XRCC4: variants seen among roughly 807,000 people sequenced by gnomAD.
XRCC4 encodes X-ray repair cross complementing 4.
Under a neutral mutation model 39.1 loss-of-function variants are expected in XRCC4, and 28 were observed. The observed-to-expected ratio is 0.72, with a 90% CI of 0.53 to 0.98. The LOEUF (loss-of-function observed/expected upper bound fraction) is 0.98, where lower values mean the gene tolerates loss of function less well. Among genes scored for constraint, XRCC4 ranks in the 50% least tolerant of loss-of-function variants. The probability of loss-of-function intolerance (pLI) is 0.00; values close to 1 mark genes in which losing one functional copy is unlikely to be tolerated. For synonymous variants in XRCC4, 123 were observed against 126.4 expected (o/e 0.97, Z 0.18); for missense variants, 350 against 376.4 (o/e 0.93, Z 0.58).
chr5:83,252,299 A>C (rs1359735317), intron 6 of XRCC4, among the ~76,000 whole-genome samples: 1 of 152,198 alleles, frequency 6.6e-6, no homozygotes, highest in East Asian at 1.9e-4. Context: ...AAATGAAACA[A>C]GGACTTATTT....
intron 3 of XRCC4, among the ~76,000 whole-genome samples, chr5:83,178,461 A>G (rs1011984741): frequency 6.6e-6 from 1 of 152,160 alleles, no homozygotes; most frequent in Non-Finnish European, 1.5e-5. Context: ...CCAAAACACT[A>G]CTACAAAAAG....
At chr5:83,353,064 A>T in intron 7 of XRCC4, 67 bp from the exon 8 acceptor site, 1 of 1,295,560 alleles carries the variant, frequency 7.7e-7, no homozygotes. Flanking sequence ...GTGTCTCTTC[A>T]TTTTCTTTTA....
At chr5:83,318,243 A>G (rs1474261254) in intron 7 of XRCC4, among the ~76,000 whole-genome samples, 1 of 130,986 alleles carries the variant, frequency 7.6e-6, no homozygotes, top group Non-Finnish European at 1.5e-5. Context: ...CCCACAGCCA[A>G]TATCATACTG....
chr5:83,356,744 G>C (rs766749785), downstream of XRCC4: 29 of 453,264 alleles, frequency 6.4e-5, no homozygotes, highest in Middle Eastern at 9.8e-4. Flanking sequence ...AAACATTGTT[G>C]CAGAATGCTG....
At chr5:83,297,434 T>C (rs1402427466) in intron 7 of XRCC4, among the ~76,000 whole-genome samples, 1 of 151,960 alleles carries the variant, frequency 6.6e-6, no homozygotes, top group African/African-American at 2.4e-5. Flanking sequence ...ATTTGCCACA[T>C]GTGCATTTAC....
chr5:83,215,692 C>T (rs1201868466), intron 6 of XRCC4, among the ~76,000 whole-genome samples: 2 of 152,162 alleles, frequency 1.3e-5, no homozygotes, highest in Non-Finnish European at 2.9e-5. Flanking sequence ...TCAATTGGTC[C>T]TCAGCACAGC....
rs1247248562 is a variant in XRCC4, at chr5:83,139,313, A to G, written c.315+28110A>G. Among the ~76,000 whole-genome samples, 5 of 152,152 alleles carry G rather than the reference A, an allele frequency of 3.3e-5. No homozygotes were observed. In the East Asian group the frequency reaches 7.7e-4, roughly 23 times the overall value. ...TTTATACATTTTTGACAAGAATACC[A>G]TAGAAATGATGTTGTACCTTTCTCA... On this transcript the variant is annotated intron_variant, in intron 3 of 7. Coordinates refer to ENST00000396027, the MANE Select transcript of XRCC4 (RefSeq NM_003401.5).
intron 3 of XRCC4, among the ~76,000 whole-genome samples, chr5:83,134,116 G>A (rs898989719): frequency 6.6e-6 from 1 of 152,296 alleles, no homozygotes; most frequent in South Asian, 2.1e-4. Flanking sequence ...CCTATTCGTG[G>A]AATCATTGAC....
chr5:83,099,217 A>G (rs1200422769), intron 1 of XRCC4, among the ~76,000 whole-genome samples: 1 of 152,202 alleles, frequency 6.6e-6, no homozygotes, highest in African/African-American at 2.4e-5. Flanking sequence ...CATTAGAAAC[A>G]TGCATTTAGC....
intron 3 of XRCC4, among the ~76,000 whole-genome samples, chr5:83,115,194 G>A (rs1746651091): frequency 6.6e-6 from 1 of 152,176 alleles, no homozygotes; most frequent in Admixed American, 6.5e-5. Flanking sequence ...TTGGGAGGCT[G>A]AGATGGGCGG....
chr5:83,342,484 C>T (rs1244345856), intron 7 of XRCC4, among the ~76,000 whole-genome samples: 2 of 152,124 alleles, frequency 1.3e-5, no homozygotes, highest in African/African-American at 4.8e-5. Flanking sequence ...TTTCCATCTT[C>T]TTCCTGCTCT....
In XRCC4 at chr5:83,077,575, G is replaced by A; in HGVS notation, c.-51G>A. ...GGTTGCAAAACCTTGATCTGTGAAA[G>A]CGGGCGTTTTGGAAGATACCGGAAG... On this transcript the variant is annotated 5_prime_UTR_variant, in exon 1 of 8. Coordinates refer to ENST00000396027, the MANE Select transcript of XRCC4 (RefSeq NM_003401.5). 1.9e-6 allele frequency: 1 copy of A among 525,038 alleles called. No individual in the cohort carries two copies. Among genetic ancestry groups the A allele is most frequent in the South Asian group, 2.5e-5 (1 of 39,714 alleles). The allele number at this position is 525,038 out of a possible 1,614,324, so 32.5% of individuals were successfully genotyped here.
intron 3 of XRCC4, among the ~76,000 whole-genome samples, chr5:83,160,020 G>A (rs1414988645): frequency 6.6e-6 from 1 of 152,028 alleles, no homozygotes; most frequent in African/African-American, 2.4e-5. Context: ...ATTTAAAAGA[G>A]ATCTTAGTTT....
intron 3 of XRCC4, among the ~76,000 whole-genome samples, chr5:83,155,041 C>T (rs1748892061): frequency 6.6e-6 from 1 of 152,128 alleles, no homozygotes; most frequent in Non-Finnish European, 1.5e-5. Context: ...TCTACTTATT[C>T]TTTAATACAA....
chr5:83,190,472 A>C (rs1750645398), intron 3 of XRCC4, among the ~76,000 whole-genome samples: 1 of 152,210 alleles, frequency 6.6e-6, no homozygotes, highest in South Asian at 2.1e-4. Flanking sequence ...GCCGTTATGC[A>C]CCTAGTAATA....
At chr5:83,127,895 T>C (rs769918228) in intron 3 of XRCC4, among the ~76,000 whole-genome samples, 1 of 135,990 alleles carries the variant, frequency 7.4e-6, no homozygotes, top group African/African-American at 2.9e-5. Context: ...TTTTTTTTTT[T>C]CAGTACTTTA....
intron 3 of XRCC4, among the ~76,000 whole-genome samples, chr5:83,162,776 A>T (rs1470117980): frequency 1.3e-5 from 2 of 152,164 alleles, no homozygotes; most frequent in African/African-American, 4.8e-5. Flanking sequence ...GGAACAGAGG[A>T]CTTTCATCTT....
chr5:83,125,598 A>G (rs552563741), intron 3 of XRCC4, among the ~76,000 whole-genome samples: 87 of 152,212 alleles, frequency 5.7e-4, no homozygotes, highest in Non-Finnish European at 9.6e-4. Flanking sequence ...GAGTGGGTCT[A>G]TTTTTGTATT....
the XRCC4 span, among the ~76,000 whole-genome samples, chr5:83,373,780 AC>A: frequency 6.6e-6 from 1 of 152,182 alleles, no homozygotes. Flanking sequence ...AACAGTATTT[AC>A]CCAAACTTTA....
Sources: gnomAD v4.1 joint callset for allele counts (sites outside exome capture counted in the v4.1 genomes callset) on GRCh38, gnomAD v4.1.1 for gene constraint, MANE v1.5 for transcripts, NCBI Gene and HGNC (gene_info 2026-07-23, HGNC 2026-07-21) for gene names.